USP10: variants seen among roughly 807,000 people sequenced by gnomAD.
USP10 encodes the protein ubiquitin specific peptidase 10, also known as ubiquitin carboxyl-terminal hydrolase 10.
USP10 carries 22 observed loss-of-function variants against 84.5 expected under a neutral mutation model. The ratio of observed to expected loss-of-function variants is 0.26; its 90% CI spans 0.19 to 0.37. The LOEUF (loss-of-function observed/expected upper bound fraction) is 0.37, where lower values mean the gene tolerates loss of function less well. USP10 is among the 10% of genes least tolerant of loss of function. The pLI is 1.00. For synonymous variants in USP10, 454 were observed against 387.6 expected, an observed-to-expected ratio of 1.17 and a Z score of -2.01; for missense variants, 1,019 against 998.9, an observed-to-expected ratio of 1.02 and a Z score of -0.27.
rs184584648 is a variant in USP10 at position 84,702,976 on chromosome 16, G to A, written c.21+2865G>A. Among the ~76,000 whole-genome samples the A allele has an allele frequency of 1.8e-4, 18 of 101,772 alleles. No individual in the cohort carries two copies. The East Asian group carries it at 5.3e-3, about 30-fold the overall frequency. 66.8% of individuals were successfully genotyped at this position (101,772 alleles called of 152,430 possible). ...CCACTGCACTCCAGCCTGGGCGACA[G>A]AGCAAGACTCCCGTCTCAAAAAAAA... On this transcript the variant is annotated intron_variant, in intron 1 of 13. Transcript: ENST00000219473.
rs370383030 is a variant in USP10, at chr16:84,764,939, A to AAAAAAAAAAT, written c.1832+677_1832+678insAAAAAAAATA. On this transcript the variant is annotated intron_variant, in intron 10 of 13. Transcript: ENST00000219473. ...TAACCACGAGAGAGAGAGAAAAAAA[A>AAAAAAAAAAT]ATATATATATATATATTAGACTTCA... Among the ~76,000 whole-genome samples the AAAAAAAAAAT allele has an allele frequency of 2.5e-3, 335 of 132,236 alleles. 1 individual carries two copies. Among genetic ancestry groups the AAAAAAAAAAT allele is most frequent in the Middle Eastern group, 8.8e-3 (2 of 226 alleles). The allele number at this position is 132,236 out of a possible 152,430, so 86.8% of individuals were successfully genotyped here. A position where few individuals can be genotyped will look rare whatever the true frequency, so the allele number is the denominator to read the frequency against.
In USP10 at chr16:84,768,281, C is replaced by A. The variant is rs377254205; in HGVS notation, c.1921C>A (p.Arg641Ser). The A allele has an allele frequency of 6.2e-7, 1 of 1,608,052 alleles. No homozygotes were observed. Among genetic ancestry groups the A allele is most frequent in the Non-Finnish European group, 8.5e-7 (1 of 1,177,016 alleles). The change falls in exon 11 of 14, where the codon CGC becomes AGC. Residue 641 changes from arginine to serine, a missense_variant. This residue lies in a region of USP10 where 232 missense variants were observed against 290.1 expected (regional missense o/e 0.80). Coordinates refer to ENST00000219473, the MANE Select transcript of USP10 (RefSeq NM_005153.3). ...LQLDIQSDKI[R>S]TVQDALESLV... Reference sequence around the variant, plus strand: ...GTTGGATATCCAGTCAGACAAGATACGCACAGTCCAGGATGCACTGGAGAG... The same window carrying A: ...GTTGGATATCCAGTCAGACAAGATAAGCACAGTCCAGGATGCACTGGAGAG...
intron 12 of USP10, among the ~76,000 whole-genome samples, chr16:84,774,553 C>G (rs567659467): frequency 1.3e-5 from 2 of 151,916 alleles, no homozygotes; most frequent in Non-Finnish European, 2.9e-5. Context: ...TCGCTGCAAC[C>G]TCTGCCTCCC....
intron 8 of USP10, 21 bp from the exon 9 acceptor site, chr16:84,762,968 G>A: frequency 6.5e-7 from 1 of 1,538,576 alleles, no homozygotes; most frequent in Non-Finnish European, 9.0e-7. Context: ...ACAGTAACGT[G>A]ATTATATTTG....
At chr16:84,774,270 G>A (rs1304209361) in intron 12 of USP10, among the ~76,000 whole-genome samples, 1 of 151,858 alleles carries the variant, frequency 6.6e-6, no homozygotes, top group Non-Finnish European at 1.5e-5. Flanking sequence ...ACATAAATGG[G>A]GGACAAGAGG....
rs188890359 is a variant in USP10 at position 84,776,115 on chromosome 16, C to T, written c.2209+890C>T. ...ATTCTTTCATTTCCTTACATGTGTC[C>T]TAGGAGATGGGAGGTGGGATCCCTG... On this transcript the variant is annotated intron_variant, in intron 13 of 13. Coordinates refer to ENST00000219473, the MANE Select transcript of USP10 (RefSeq NM_005153.3). Among the ~76,000 whole-genome samples the T allele has an allele frequency of 2.5e-4, 38 of 152,196 alleles. 1 individual carries two copies. Among genetic ancestry groups the T allele is most frequent in the African/African-American group, 8.4e-4 (35 of 41,530 alleles).
chr16:84,762,386 C>CT (rs1434256187), intron 8 of USP10, among the ~76,000 whole-genome samples: 1 of 152,060 alleles, frequency 6.6e-6, no homozygotes, highest in Non-Finnish European at 1.5e-5. Flanking sequence ...TTTTAAATAA[C>CT]TTTTTTGTGA....
intron 4 of USP10, among the ~76,000 whole-genome samples, chr16:84,758,286 T>C (rs1465114048): frequency 6.6e-6 from 1 of 152,192 alleles, no homozygotes; most frequent in African/African-American, 2.4e-5. Context: ...CAGAGAGGAA[T>C]GAGACGTGGG....
At chr16:84,763,435 C>T (rs1440936100) in intron 9 of USP10, among the ~76,000 whole-genome samples, 3 of 152,128 alleles carry the variant, frequency 2.0e-5, no homozygotes, top group Non-Finnish European at 2.9e-5. Context: ...TCTTATCTGT[C>T]CATCCATATA....
chr16:84,737,811 G>C (rs954140689), intron 2 of USP10, among the ~76,000 whole-genome samples: 1 of 152,226 alleles, frequency 6.6e-6, no homozygotes, highest in African/African-American at 2.4e-5. Context: ...TGAGGAGCAG[G>C]ATGTGTGCCT....
chr16:84,745,189 C>A lies in USP10; in HGVS notation c.708C>A (p.Thr236=). 1 of 1,613,288 alleles carries A rather than the reference C, an allele frequency of 6.2e-7. No homozygotes were observed. The highest frequency in any genetic ancestry group is 8.5e-7 in the Non-Finnish European group (1 of 1,179,624). ...TCCCCGGAGCACTCGGCAGTGACAC[C>A]AGGACTGCAGGGCAGCCAGAGGGGG... The part of the protein sequence containing the change: ...SPFPGALGSD[T]RTAGQPEGGP... Residue 236 remains threonine, a synonymous_variant, in exon 4 of 14, where the codon ACC becomes ACA. Transcript: ENST00000219473.
intron 4 of USP10, among the ~76,000 whole-genome samples, chr16:84,753,369 C>T (rs768521220): frequency 6.6e-6 from 1 of 152,208 alleles, no homozygotes; most frequent in Non-Finnish European, 1.5e-5. Context: ...TTGGTTTTCT[C>T]AGACTCTCAC....
chr16:84,778,957 G>A lies in USP10; in HGVS notation c.2272G>A (p.Gly758Ser), dbSNP rs1915299858. 3 of 1,614,000 alleles carry A rather than the reference G, an allele frequency of 1.9e-6. No homozygotes were observed. Among genetic ancestry groups the A allele is most frequent in the East Asian group, 2.2e-5 (1 of 44,878 alleles). Residue 758 changes from glycine to serine, a missense_variant, in exon 14 of 14, where the codon GGT becomes AGT. Around this residue, in one of 2 missense-constraint regions of USP10, gnomAD observed 232 missense variants for 290.1 expected, o/e 0.80. Transcript: ENST00000219473. Reference sequence around the variant, plus strand: ...TTACACTACAGACGTCTTCCAGATCGGTCTGAATGGCTGGCTGCGCATCGA... The same window carrying A: ...TTACACTACAGACGTCTTCCAGATCAGTCTGAATGGCTGGCTGCGCATCGA... Reference protein sequence around the residue: ...GHYTTDVFQIGLNGWLRIDDQ... With the variant: ...GHYTTDVFQISLNGWLRIDDQ...
chr16:84,706,121 A>T (rs532415080), intron 1 of USP10, among the ~76,000 whole-genome samples: 6 of 152,056 alleles, frequency 3.9e-5, no homozygotes, highest in Non-Finnish European at 7.4e-5. Flanking sequence ...GCCTCAAGGG[A>T]TCCCTTCTGC....
chr16:84,752,845 A>G (rs1227990256), intron 4 of USP10, among the ~76,000 whole-genome samples: 1 of 152,252 alleles, frequency 6.6e-6, no homozygotes, highest in East Asian at 1.9e-4. Context: ...GAGATGTTAC[A>G]AAAGTGGACC....
At chr16:84,705,836 C>T (rs1273566544) in intron 1 of USP10, among the ~76,000 whole-genome samples, 6 of 150,342 alleles carry the variant, frequency 4.0e-5, no homozygotes, top group African/African-American at 7.4e-5. Context: ...TCTCCTGCCT[C>T]AGTCTCTCAA....
intron 13 of USP10, among the ~76,000 whole-genome samples, chr16:84,777,060 C>T (rs184126718): frequency 5.3e-5 from 8 of 152,322 alleles, no homozygotes; most frequent in African/African-American, 1.9e-4. Context: ...ATGAGGTCAC[C>T]GGACTGGTTA....
chr16:84,760,253 A>C lies in USP10; in HGVS notation c.1532A>C (p.Asn511Thr). The C allele has an allele frequency of 6.2e-7, 1 of 1,608,748 alleles. No homozygotes were observed. The highest frequency in any genetic ancestry group is 8.5e-7 in the Non-Finnish European group (1 of 1,177,368). Reference sequence around the variant, plus strand: ...TATATTTACAGACTCCTGACAGTTAACAAGTCAAGCCTGTCTGAAAAGGTT... The same window carrying C: ...TATATTTACAGACTCCTGACAGTTACCAAGTCAAGCCTGTCTGAAAAGGTT... The part of the protein sequence containing the change: ...PTYIYRLLTV[N>T]KSSLSEKGRQ... The change falls in exon 8 of 14, where the codon AAC becomes ACC. Residue 511 changes from asparagine (N) to threonine (T), a missense_variant. Coordinates refer to ENST00000219473, the MANE Select transcript of USP10 (RefSeq NM_005153.3).
intron 4 of USP10, 56 bp from the exon 5 acceptor site, chr16:84,758,660 G>C: frequency 8.1e-7 from 1 of 1,236,952 alleles, no homozygotes; most frequent in Non-Finnish European, 1.2e-6. Flanking sequence ...GAAATGATTT[G>C]AATGTTCTTC....
Sources: gnomAD v4.1 joint callset for allele counts (sites outside exome capture counted in the v4.1 genomes callset) on GRCh38, gnomAD v4.1.1 for gene constraint, gnomAD v4.1.1 regional missense constraint, MANE v1.5 for transcripts, NCBI Gene and HGNC (gene_info 2026-07-23, HGNC 2026-07-21) for gene names.